The following SCN9A variants were observed in gnomAD, a reference collection of about 807,000 sequenced individuals.
SCN9A encodes sodium voltage-gated channel alpha subunit 9.
In SCN9A, 131 loss-of-function variants were observed where a neutral mutation model predicts 187.0. The observed-to-expected ratio is 0.70, with a 90% CI of 0.61 to 0.81. SCN9A has a LOEUF of 0.81. SCN9A is among the 30% of genes least tolerant of loss of function. The pLI, the probability that SCN9A is intolerant of heterozygous loss-of-function variation, is 0.00. For synonymous variants in SCN9A, 809 were observed against 808.6 expected, an observed-to-expected ratio of 1.00 and a Z score of -0.01; for missense variants, 2,252 against 2,396.6, an observed-to-expected ratio of 0.94 and a Z score of 1.26.
At chr2:166,234,157 ATT>A (rs141584347) in intron 20 of SCN9A, among the ~76,000 whole-genome samples, 3,140 of 152,260 alleles carry the variant, frequency 0.021, 117 homozygotes, top group African/African-American at 0.072. Context: ...TCCAAAAGAA[ATT>A]TGAGTTCTTA....
In SCN9A at chr2:166,288,465, C is replaced by T. The variant is rs367556839; in HGVS notation, c.1286G>A (p.Arg429His). The part of the protein sequence containing the change: ...KELEFQQMLD[R>H]LKKEQEEAEA... ...AGCTTCTTCTTGCTCTTTTTTAAGA[C>T]GGTCTAACATCTGTTGAAATTCTAA... The change falls in exon 10 of 27, where the codon CGT becomes CAT. Residue 429 changes from arginine (R) to histidine (H), a missense_variant. Arg to His is a conservative substitution (Grantham distance 29, BLOSUM62 0). This residue lies in a region of SCN9A where 1,013 missense variants were observed against 997.4 expected (regional missense o/e 1.02). Transcript: ENST00000642356. The T allele has an allele frequency of 6.5e-5, 104 of 1,609,942 alleles. No homozygotes were observed. Among genetic ancestry groups the T allele is most frequent in the African/African-American group, 6.4e-4 (48 of 74,778 alleles).
chr2:166,285,260 G>C (rs1252969673), intron 11 of SCN9A, among the ~76,000 whole-genome samples: 1 of 152,150 alleles, frequency 6.6e-6, no homozygotes, highest in African/African-American at 2.4e-5. Flanking sequence ...TACATACTAA[G>C]AGCTCAGTTA....
At chr2:166,373,724 AATT>A (rs1700619067) in intron 1 of SCN9A, among the ~76,000 whole-genome samples, 1 of 152,128 alleles carries the variant, frequency 6.6e-6, no homozygotes, top group South Asian at 2.1e-4. Context: ...GAAAGTCATA[AATT>A]ATTATCATTA....
intron 1 of SCN9A, among the ~76,000 whole-genome samples, chr2:166,349,699 A>G (rs13021074): frequency 0.61 from 93,143 of 151,642 alleles, 28,966 homozygotes; most frequent in African/African-American, 0.73. Flanking sequence ...CAGACCGGGC[A>G]TGGTGGCTCA....
At chr2:166,237,744 C>G (rs1338548091) in intron 20 of SCN9A, among the ~76,000 whole-genome samples, 1 of 152,038 alleles carries the variant, frequency 6.6e-6, no homozygotes, top group Non-Finnish European at 1.5e-5. Flanking sequence ...TGTCTCTGCC[C>G]TTTTATCATC....
rs1697637752 is a variant in SCN9A, at chr2:166,284,472, T to A, written c.1955A>T (p.Lys652Met). ...CCTTACGCTGTCATCAGAAGTTGCC[T>A]TATCTATTATCACCTCTGGCAGAAG... ...GQLLPEVIID[K>M]ATSDDSGTTN... The change falls in exon 12 of 27, where the codon AAG becomes ATG. Residue 652 changes from lysine (K) to methionine (M), a missense_variant. By Grantham distance (95) the Lys-to-Met change is moderately conservative (BLOSUM62 -1). Around this residue, in one of 7 missense-constraint regions of SCN9A, gnomAD observed 1,013 missense variants for 997.4 expected, o/e 1.02. Coordinates refer to ENST00000642356, the MANE Select transcript of SCN9A (RefSeq NM_001365536.1). 6.2e-7 allele frequency: 1 copy of A among 1,613,354 alleles called. No individual in the cohort carries two copies. The highest frequency in any genetic ancestry group is 1.7e-5 in the Admixed American group (1 of 59,934).
At chr2:166,346,818 T>A (rs761950663) in intron 1 of SCN9A, among the ~76,000 whole-genome samples, 2 of 152,168 alleles carry the variant, frequency 1.3e-5, no homozygotes, top group African/African-American at 2.4e-5. Context: ...TAATAAAGTA[T>A]GTAATTTGTG....
chr2:166,351,759 A>G (rs879885208), intron 1 of SCN9A, among the ~76,000 whole-genome samples: 3 of 152,198 alleles, frequency 2.0e-5, no homozygotes, highest in Non-Finnish European at 4.4e-5. Flanking sequence ...TTTAATTACT[A>G]TAGAACAGAT....
chr2:166,340,533 TTTCTTTCCCTTTCTTTCTTTCTTTC>T (rs1295581955), intron 1 of SCN9A, among the ~76,000 whole-genome samples: 3 of 118,030 alleles, frequency 2.5e-5, no homozygotes, highest in East Asian at 5.4e-4. Context: ...TCTCCTTTCT[TTTCTTTCCCTTTCTTTCTTTCTTTC>T]TTTCTTTCTT....
chr2:166,211,977 G>T (rs938497635), intron 24 of SCN9A, among the ~76,000 whole-genome samples: 1 of 152,132 alleles, frequency 6.6e-6, no homozygotes, highest in African/African-American at 2.4e-5. Flanking sequence ...GACCTACAAT[G>T]GCTGCATAGA....
rs2106347125 is a variant in SCN9A at position 166,204,429 on chromosome 2, C to T, written c.4434G>A (p.Gln1478=). Residue 1478 remains glutamine, a synonymous_variant, in exon 25 of 27, where the codon CAG becomes CAA. Coordinates refer to ENST00000642356, the MANE Select transcript of SCN9A (RefSeq NM_001365536.1). ...GGQDIFMTEE[Q]KKYYNAMKKL... ...TTTTCATTGCATTATAGTATTTCTT[C>T]TGTTCTTCTGTCATAAAGATGTCTT... 2 of 1,601,824 alleles carry T rather than the reference C, an allele frequency of 1.2e-6. No homozygotes were observed. Among genetic ancestry groups the T allele is most frequent in the Non-Finnish European group, 1.7e-6 (2 of 1,175,682 alleles).
At chr2:166,207,428 T>TTTGTTG (rs61122536) in intron 24 of SCN9A, among the ~76,000 whole-genome samples, 103,886 of 150,024 alleles carry the variant, frequency 0.69, 36,310 homozygotes, top group East Asian at 0.77. Context: ...TTAGAGTGTT[T>TTTGTTG]TTGTTGTTGT....
Position 166,327,783 on chromosome 2 carries a change from A to G in SCN9A, c.-50-15977T>C, listed in dbSNP as rs192406551. Among the ~76,000 whole-genome samples the G allele has an allele frequency of 3.5e-3, 527 of 152,286 alleles. 3 individuals are homozygous for G. Among genetic ancestry groups the G allele is most frequent in the African/African-American group, 0.012 (499 of 41,554 alleles). ...ATATAATCTTATCAATTGACTGCCC[A>G]TCTTCACTATGAATTTGTCCAGGCC... On this transcript the variant is annotated intron_variant, in intron 1 of 26. Coordinates refer to ENST00000642356, the MANE Select transcript of SCN9A (RefSeq NM_001365536.1).
chr2:166,273,011 C>T (rs1028919070), intron 16 of SCN9A, 136 bp from the exon 17 acceptor site: 15 of 451,536 alleles, frequency 3.3e-5, no homozygotes, highest in East Asian at 1.3e-4. Flanking sequence ...TTTTCACACA[C>T]GGATAAGACC....
rs201694494 is a variant in SCN9A at position 166,195,586 on chromosome 2, C to A, written c.*3086G>T. The stretch of plus-strand genomic sequence containing the variant: ...TTTACATATGCATTTTATTTTCACT[C>A]TTTTTAATAAAGCTATCAAAACTCT... On this transcript the variant is annotated 3_prime_UTR_variant, in exon 27 of 27. Transcript: ENST00000642356. 4 of 152,126 alleles carry A rather than the reference C, an allele frequency of 2.6e-5. No individual in the cohort carries two copies. The highest frequency in any genetic ancestry group is 5.9e-5 in the Non-Finnish European group (4 of 68,018). The allele number at this position is 152,126 out of a possible 1,614,324, so 9.4% of individuals were successfully genotyped here. A position where few individuals can be genotyped will look rare whatever the true frequency, so the allele number is the denominator to read the frequency against.
chr2:166,198,670 C>G lies in SCN9A; in HGVS notation c.*2G>C. The G allele has an allele frequency of 1.3e-6, 2 of 1,573,028 alleles. No individual in the cohort carries two copies. The highest frequency in any genetic ancestry group is 1.7e-6 in the Non-Finnish European group (2 of 1,157,638). The stretch of plus-strand genomic sequence containing the variant: ...TGTAAACAATATATCAAAAATGAAG[C>G]TCTATTTTTTGCTTTCCTTGCTGTC... On this transcript the variant is annotated 3_prime_UTR_variant, in exon 27 of 27. Transcript: ENST00000642356.
At chr2:166,211,665 T>G (rs2106359885) in intron 24 of SCN9A, among the ~76,000 whole-genome samples, 1 of 152,152 alleles carries the variant, frequency 6.6e-6, no homozygotes, top group East Asian at 1.9e-4. Flanking sequence ...GTATTAAAAG[T>G]GAAGATTTTT....
chr2:166,373,043 A>G (rs1274613388), intron 1 of SCN9A, among the ~76,000 whole-genome samples: 1 of 152,224 alleles, frequency 6.6e-6, no homozygotes, highest in African/African-American at 2.4e-5. Context: ...CCTCGAGTTG[A>G]GATTTAAAGT....
intron 1 of SCN9A, among the ~76,000 whole-genome samples, chr2:166,317,092 T>C (rs1699127541): frequency 6.6e-6 from 1 of 151,972 alleles, no homozygotes; most frequent in African/African-American, 2.4e-5. Flanking sequence ...TGATATTTAA[T>C]TTAAATACAC....
Sources: gnomAD v4.1 joint callset for allele counts (sites outside exome capture counted in the v4.1 genomes callset) on GRCh38, gnomAD v4.1.1 for gene constraint, gnomAD v4.1.1 regional missense constraint, MANE v1.5 for transcripts, NCBI Gene and HGNC (gene_info 2026-07-23, HGNC 2026-07-21) for gene names.